Variants in SPECC1 observed in about 807,000 individuals in gnomAD.
SPECC1 encodes sperm antigen with calponin homology and coiled-coil domains 1.
SPECC1 carries 62 observed loss-of-function variants against 104.1 expected under a neutral mutation model. The observed-to-expected ratio is 0.60, with a 90% CI of 0.49 to 0.74. The LOEUF is 0.74. SPECC1 is among the 30% of genes least tolerant of loss of function. The pLI is 0.00. For missense variants in SPECC1, 1,306 were observed against 1,310.5 expected (o/e 1.00, Z 0.05); for synonymous variants, 513 against 501.6 (o/e 1.02, Z -0.30).
chr17:20,270,071 CAGAA>C (rs2040349167), intron 12 of SPECC1, among the ~76,000 whole-genome samples: 1 of 152,132 alleles, frequency 6.6e-6, no homozygotes, highest in South Asian at 2.1e-4. Flanking sequence ...TTCACAGAAA[CAGAA>C]AGCAGATGAG....
At chr17:20,302,131 G>A (rs996818958) in intron 13 of SPECC1, among the ~76,000 whole-genome samples, 3 of 152,250 alleles carry the variant, frequency 2.0e-5, no homozygotes, top group African/African-American at 7.2e-5. Context: ...TATCTGAAAT[G>A]AATGAAGTGT....
intron 1 of SPECC1, among the ~76,000 whole-genome samples, chr17:20,055,087 G>A (rs764484002): frequency 3.0e-4 from 45 of 152,042 alleles, no homozygotes; most frequent in Admixed American, 9.8e-4. Flanking sequence ...GTAACTCCTC[G>A]TTTCCCGCCC....
chr17:20,266,116 CATTTGTAG>C (rs1167854611), intron 12 of SPECC1, among the ~76,000 whole-genome samples: 1 of 152,150 alleles, frequency 6.6e-6, no homozygotes, highest in Admixed American at 6.5e-5. Context: ...TGAAAAATGA[CATTTGTAG>C]TTTGATAGGA....
rs1387359684 is a variant in SPECC1, at chr17:20,156,381, C to T, written c.283+45819C>T. The T allele has an allele frequency of 1.0e-5, 10 of 972,578 alleles. No individual in the cohort carries two copies. The East Asian group carries it at 2.0e-4, about 19-fold the overall frequency. The allele number at this position is 972,578 out of a possible 1,614,324, so 60.2% of individuals were successfully genotyped here. On this transcript the variant is annotated intron_variant, in intron 3 of 14. Transcript: ENST00000395527. The stretch of plus-strand genomic sequence containing the variant: ...GGGTGTGATTCTTGTCGTTGGAATG[C>T]GCCGCTTGGGATTGTGAAATTACCT...
In SPECC1 at chr17:20,030,203, G is replaced by A. The variant is rs183297035; in HGVS notation, c.-22+20779G>A. On this transcript the variant is annotated intron_variant, in intron 1 of 14. Coordinates refer to ENST00000395527, the MANE Select transcript of SPECC1 (RefSeq NM_001243439.2). ...TAATTATTTTATTTATTTTTTTACT[G>A]TATTTATGTGAGTTACTTTTTAGTA... 8.6e-4 allele frequency among the ~76,000 whole-genome samples: 129 copies of A among 150,326 alleles called. 1 individual carries two copies. The highest frequency in any genetic ancestry group is 4.7e-4 in the Non-Finnish European group (32 of 67,998).
intron 3 of SPECC1, among the ~76,000 whole-genome samples, chr17:20,114,093 T>C (rs1447645028): frequency 6.6e-6 from 1 of 152,196 alleles, no homozygotes; most frequent in African/African-American, 2.4e-5. Context: ...CAAAAAAGTA[T>C]ATATAAAGAA....
At chr17:20,118,747 T>C (rs956576417) in intron 3 of SPECC1, among the ~76,000 whole-genome samples, 2 of 152,226 alleles carry the variant, frequency 1.3e-5, no homozygotes, top group African/African-American at 4.8e-5. Flanking sequence ...TTTAAACATA[T>C]GCATACATTG....
intron 3 of SPECC1, among the ~76,000 whole-genome samples, chr17:20,113,403 A>G (rs1380808191): frequency 6.6e-6 from 1 of 152,190 alleles, no homozygotes; most frequent in Non-Finnish European, 1.5e-5. Context: ...TACTAGATGC[A>G]GTATGGATAT....
chr17:20,053,756 T>G (rs1017165098), intron 1 of SPECC1, among the ~76,000 whole-genome samples: 16 of 152,234 alleles, frequency 1.1e-4, no homozygotes, highest in Admixed American at 1.3e-4. Flanking sequence ...CTTCAGATGA[T>G]GCAACCCCAG....
intron 3 of SPECC1, among the ~76,000 whole-genome samples, chr17:20,124,249 C>T (rs997450254): frequency 1.3e-5 from 2 of 151,950 alleles, no homozygotes; most frequent in South Asian, 2.1e-4. Context: ...GGGAGGGGAA[C>T]AGACGGGGGG....
intron 13 of SPECC1, among the ~76,000 whole-genome samples, chr17:20,300,313 T>A (rs915451407): frequency 1.3e-5 from 2 of 152,188 alleles, no homozygotes; most frequent in East Asian, 3.9e-4. Flanking sequence ...GCCTCACGGG[T>A]CACAGGTGTC....
At chr17:20,244,697 CTA>C (rs144469651) in intron 7 of SPECC1, among the ~76,000 whole-genome samples, 1,857 of 146,898 alleles carry the variant, frequency 0.013, 28 homozygotes, top group African/African-American at 0.014. Context: ...CAGTAAATAA[CTA>C]TTTTATTTAC....
intron 2 of SPECC1, among the ~76,000 whole-genome samples, chr17:20,101,540 G>A (rs1039911840): frequency 6.6e-6 from 1 of 152,200 alleles, no homozygotes; most frequent in African/African-American, 2.4e-5. Flanking sequence ...AGGGTGCAGA[G>A]GCTGGGGACG....
rs546791783 is a variant in SPECC1 at position 20,071,108 on chromosome 17, T to C, written c.-21-25523T>C. 3.9e-5 allele frequency among the ~76,000 whole-genome samples: 6 copies of C among 152,262 alleles called. No homozygotes were observed. In the South Asian group the frequency reaches 1.2e-3, roughly 32 times the overall value. The stretch of plus-strand genomic sequence containing the variant: ...ATTTGCAAGCACAATCATAGTGCGC[T>C]ACAGCCTTGATCTCCCGGGCTCAAG... On this transcript the variant is annotated intron_variant, in intron 1 of 14. Coordinates refer to ENST00000395527, the MANE Select transcript of SPECC1 (RefSeq NM_001243439.2).
intron 13 of SPECC1, among the ~76,000 whole-genome samples, chr17:20,302,976 G>A (rs886806101): frequency 2.0e-5 from 3 of 149,764 alleles, no homozygotes; most frequent in Non-Finnish European, 4.4e-5. Flanking sequence ...GTTTAAAAAT[G>A]CTTTCTCGTT....
Position 20,218,882 on chromosome 17 carries a change from C to G in SPECC1, c.1864-8531C>G, listed in dbSNP as rs554571744. On this transcript the variant is annotated intron_variant, in intron 4 of 14. Coordinates refer to ENST00000395527, the MANE Select transcript of SPECC1 (RefSeq NM_001243439.2). Reference sequence around the variant, plus strand: ...CAATTGTTTTAATTTTTAACTCCCACAAATGAGTGAGAATATATGAATTTA... The same window carrying G: ...CAATTGTTTTAATTTTTAACTCCCAGAAATGAGTGAGAATATATGAATTTA... Among the ~76,000 whole-genome samples, 11 of 152,322 alleles carry G rather than the reference C, an allele frequency of 7.2e-5. 1 individual carries two copies. In the South Asian group the frequency reaches 2.3e-3, roughly 32 times the overall value.
chr17:20,232,903 T>C (rs2526475), intron 7 of SPECC1, among the ~76,000 whole-genome samples: 107,770 of 152,098 alleles, frequency 0.71, 39,988 homozygotes, highest in East Asian at 0.99. Context: ...ACATAACCTA[T>C]TTTATTAAAA....
intron 10 of SPECC1, among the ~76,000 whole-genome samples, chr17:20,254,690 T>C (rs528190106): frequency 6.6e-5 from 10 of 151,980 alleles, no homozygotes; most frequent in South Asian, 4.1e-4. Flanking sequence ...GAACACTGAA[T>C]GGACTGTTTA....
intron 12 of SPECC1, among the ~76,000 whole-genome samples, chr17:20,273,606 A>C (rs2040482628): frequency 6.6e-6 from 1 of 152,158 alleles, no homozygotes; most frequent in Non-Finnish European, 1.5e-5. Context: ...AGAAGAGAGA[A>C]CGTTTGGAGC....
Sources: allele counts gnomAD v4.1 joint callset (sites outside exome capture counted in the v4.1 genomes callset), GRCh38; gene constraint gnomAD v4.1.1; transcripts MANE v1.5; gene names NCBI Gene and HGNC (gene_info 2026-07-23, HGNC 2026-07-21).